POLR2F: variants seen among roughly 807,000 people sequenced by gnomAD.
POLR2F encodes the protein DNA-directed RNA polymerases I, II, and III subunit RPABC2.
Under a neutral mutation model 22.7 loss-of-function variants are expected in POLR2F, and 12 were observed. The ratio of observed to expected loss-of-function variants is 0.53; its 90% CI spans 0.34 to 0.86. POLR2F has a LOEUF of 0.86. POLR2F is among the 40% of genes least tolerant of loss of function. POLR2F has a pLI of 0.02. For synonymous variants in POLR2F, 57 were observed against 66.0 expected (o/e 0.86, Z 0.66); for missense variants, 126 against 171.5 (o/e 0.73, Z 1.48).
Position 37,974,639 on chromosome 22 carries a change from C to T in POLR2F, c.293+7469C>T, listed in dbSNP as rs1020233111. 5.3e-5 allele frequency among the ~76,000 whole-genome samples: 8 copies of T among 152,216 alleles called. No individual in the cohort carries two copies. Among genetic ancestry groups the T allele is most frequent in the Non-Finnish European group, 1.0e-4 (7 of 68,032 alleles). On this transcript the variant is annotated intron_variant, in intron 4 of 4. Transcript: ENST00000405557. This position sits in a 1 kb window ranked among gnomAD's most constrained non-coding sequence, Gnocchi z 5.4. Reference sequence around the variant, plus strand: ...AAGTGCTGGGATTACCATCATGAGCCACTGCGCCCCACAGCATTTGTTTAA... The same window carrying T: ...AAGTGCTGGGATTACCATCATGAGCTACTGCGCCCCACAGCATTTGTTTAA...
At chr22:38,040,938 AGAG>A (rs2085166145) in intron 5 of POLR2F, 1 of 1,473,996 alleles carries the variant, frequency 6.8e-7, no homozygotes, top group Non-Finnish European at 9.4e-7. Context: ...CAAGTCAGCC[AGAG>A]GAGAGAGAAT....
chr22:37,987,514 C>T, intron 1 of POLR2F: 2 of 354,116 alleles, frequency 5.6e-6, no homozygotes, highest in South Asian at 4.3e-5. Context: ...CCTCACCTGT[C>T]ACGTGGGGCG....
chr22:38,006,796 G>A (rs1433520900), intron 1 of POLR2F, among the ~76,000 whole-genome samples: 5 of 152,200 alleles, frequency 3.3e-5, no homozygotes, highest in Non-Finnish European at 7.3e-5. Flanking sequence ...GTCCTGGGGA[G>A]CCTGTCGTCT....
At chr22:37,977,852 G>C in intron 4 of POLR2F, 1 of 1,602,254 alleles carries the variant, frequency 6.2e-7, no homozygotes, top group Non-Finnish European at 8.5e-7. Context: ...CCTCAGCTCT[G>C]TCATCAGCAC....
chr22:38,016,344 C>T lies in POLR2F; in HGVS notation c.121-9525C>T, dbSNP rs1319841151. 6.6e-6 allele frequency among the ~76,000 whole-genome samples: 1 copy of T among 152,242 alleles called. No individual in the cohort carries two copies. The highest frequency in any genetic ancestry group is 1.5e-5 in the Non-Finnish European group (1 of 68,046). The stretch of plus-strand genomic sequence containing the variant: ...GCCCAAAGGCATTTGGGAGCCTGCT[C>T]CTCCCTCTGTACCTCCACCAGCCGT... On this transcript the variant is annotated intron_variant, in intron 1 of 2. Transcript: ENST00000333418. The surrounding 1 kb of genome is among the most constrained non-coding windows in gnomAD (Gnocchi z 4.4).
At chr22:38,028,036 C>A (rs1360216265), downstream of POLR2F, among the ~76,000 whole-genome samples, 1 of 152,150 alleles carries the variant, frequency 6.6e-6, no homozygotes, top group Non-Finnish European at 1.5e-5. Context: ...GCGCCACAGT[C>A]AGGGTTGTAA....
At position 37,980,665 on chromosome 22, in the gene POLR2F, G is replaced by A. The variant is rs912876757; in HGVS notation, c.293+13495G>A. Among the ~76,000 whole-genome samples the A allele has an allele frequency of 2.0e-5, 3 of 152,024 alleles. No homozygotes were observed. Among genetic ancestry groups the A allele is most frequent in the Admixed American group, 6.5e-5 (1 of 15,276 alleles). ...TTACCAGCCCCAAACCCCCAACTTC[G>A]CCTCCAGCTCTAACTCCAAACCCAG... On this transcript the variant is annotated intron_variant, in intron 4 of 4. Coordinates refer to the POLR2F transcript ENST00000405557. This position sits in a 1 kb window ranked among gnomAD's most constrained non-coding sequence, Gnocchi z 4.1.
At position 38,031,820 on chromosome 22, in the gene POLR2F, A is replaced by ATGAAGCTTCGGAGTCATT. The variant is rs1470799372; in HGVS notation, c.453-9246_453-9229dup. On this transcript the variant is annotated intron_variant, in intron 5 of 5. Transcript: ENST00000407936. The surrounding 1 kb of genome is among the most constrained non-coding windows in gnomAD (Gnocchi z 4.1). ...CCCACTGTTCTCCAGTGACCCAGGCATGAAGCTTCGGAGTCATTTTTGACT... is the reference window on the plus strand; with the variant it reads ...CCCACTGTTCTCCAGTGACCCAGGCATGAAGCTTCGGAGTCATTTGAAGCTTCGGAGTCATTTTTGACT... Among the ~76,000 whole-genome samples, 1 of 151,510 alleles carries ATGAAGCTTCGGAGTCATT rather than the reference A, an allele frequency of 6.6e-6. No homozygotes were observed. The highest frequency in any genetic ancestry group is 1.5e-5 in the Non-Finnish European group (1 of 67,888).
chr22:37,959,366 G>T lies in POLR2F; in HGVS notation c.111G>T (p.Glu37Asp). ...TCCAGGAAGGCCAGGAGAATGTCGA[G>T]ATCCTCCCCTCTGGGGAGCGACCGC... ...NAEEEGQENV[E>D]ILPSGERPQA... Residue 37 changes from glutamate (E) to aspartate (D), a missense_variant, in exon 3 of 5, where the codon GAG becomes GAT. Coordinates refer to ENST00000442738, the MANE Select transcript of POLR2F (RefSeq NM_021974.5). 1 of 1,614,010 alleles carries T rather than the reference G, an allele frequency of 6.2e-7. No individual in the cohort carries two copies.
chr22:37,960,228 C>CTT (rs1242397751), intron 3 of POLR2F, among the ~76,000 whole-genome samples: 97 of 139,220 alleles, frequency 7.0e-4, no homozygotes, highest in African/African-American at 2.3e-3. Context: ...ATTTTCTTTT[C>CTT]TTTTTTTTTT....
intron 3 of POLR2F, among the ~76,000 whole-genome samples, chr22:37,961,148 C>A (rs921104255): frequency 6.6e-6 from 1 of 152,238 alleles, no homozygotes; most frequent in African/African-American, 2.4e-5. Context: ...CGCGCCTGGC[C>A]GGCTCAAGCA....
rs1390214480 is a variant in POLR2F, at chr22:37,997,083, C to T, written c.120+10771C>T. Among the ~76,000 whole-genome samples the T allele has an allele frequency of 6.6e-6, 1 of 151,284 alleles. No homozygotes were observed. The highest frequency in any genetic ancestry group is 1.5e-5 in the Non-Finnish European group (1 of 67,986). ...GGCAGGCCAGCTGGGACACAGGTGG[C>T]AGGCCGTAGGGAGCAGGGTGCTGCC... On this transcript the variant is annotated intron_variant, in intron 1 of 2. Transcript: ENST00000333418. The surrounding 1 kb of genome is among the most constrained non-coding windows in gnomAD (Gnocchi z 4.4).
At chr22:37,953,899 G>A (rs942088478) in intron 1 of POLR2F, 92 bp downstream of exon 1, 2 of 1,449,308 alleles carry the variant, frequency 1.4e-6, no homozygotes, top group Non-Finnish European at 1.9e-6. Flanking sequence ...GCGTCTAGGG[G>A]CAATGTCTGA....
At chr22:37,964,050 C>T (rs1038400382) in intron 3 of POLR2F, among the ~76,000 whole-genome samples, 13 of 151,512 alleles carry the variant, frequency 8.6e-5, no homozygotes, top group African/African-American at 2.7e-4. Context: ...TGCACTGAGC[C>T]AAGATCGTGC....
chr22:37,966,993 G>A (rs555228664), intron 3 of POLR2F, 106 bp from the exon 4 acceptor site: 2 of 751,158 alleles, frequency 2.7e-6, no homozygotes, highest in South Asian at 3.5e-5. Flanking sequence ...CTACCTAGAA[G>A]ATGACGTTTC....
chr22:38,036,388 G>T (rs1189857802), intron 5 of POLR2F, among the ~76,000 whole-genome samples: 3 of 151,790 alleles, frequency 2.0e-5, no homozygotes, highest in Admixed American at 2.0e-4. Context: ...CGAAGGAGAG[G>T]CTTCCTTCTG....
rs1238312664 is a variant in POLR2F, at chr22:38,017,504, G to A, written c.121-8365G>A. 6.6e-6 allele frequency among the ~76,000 whole-genome samples: 1 copy of A among 152,186 alleles called. No homozygotes were observed. Among genetic ancestry groups the A allele is most frequent in the African/African-American group, 2.4e-5 (1 of 41,452 alleles). ...TTGTTCGCCATCTCTGGGCCTGTGGGTGTCTCCCTCTTCAGGTAATGGGCT... is the reference window on the plus strand; with the variant it reads ...TTGTTCGCCATCTCTGGGCCTGTGGATGTCTCCCTCTTCAGGTAATGGGCT... On this transcript the variant is annotated intron_variant, in intron 1 of 2. Coordinates refer to the POLR2F transcript ENST00000333418. The surrounding 1 kb of genome is among the most constrained non-coding windows in gnomAD (Gnocchi z 4.1).
rs1013483335 is a variant in POLR2F at position 38,016,108 on chromosome 22, G to A, written c.121-9761G>A. 1.3e-5 allele frequency among the ~76,000 whole-genome samples: 2 copies of A among 152,154 alleles called. No homozygotes were observed. The highest frequency in any genetic ancestry group is 2.9e-5 in the Non-Finnish European group (2 of 68,020). ...TCCTCTATGTTCCCTTCACATTAGG[G>A]GTTATGTCTTGCTCAGCCTTACACC... is the stretch of plus-strand genomic sequence containing the variant. On this transcript the variant is annotated intron_variant, in intron 1 of 2. Transcript: ENST00000333418. This position sits in a 1 kb window ranked among gnomAD's most constrained non-coding sequence, Gnocchi z 4.4.
intron 5 of POLR2F, chr22:38,033,089 G>A (rs1362439251): frequency 1.2e-5 from 2 of 166,128 alleles, no homozygotes; most frequent in African/African-American, 4.8e-5. Flanking sequence ...AGCCCAGGAG[G>A]TTGAGGCTGC....
Sources: gnomAD v4.1 joint callset for allele counts (sites outside exome capture counted in the v4.1 genomes callset) on GRCh38, gnomAD v4.1.1 for gene constraint, Gnocchi (gnomAD v3.1) non-coding constraint, MANE v1.5 for transcripts, NCBI Gene and HGNC (gene_info 2026-07-23, HGNC 2026-07-21) for gene names.